The following CACNA1D variants were observed in gnomAD, a reference collection of about 807,000 sequenced individuals.
CACNA1D encodes voltage-dependent L-type calcium channel subunit alpha-1D.
In CACNA1D, 55 loss-of-function variants were observed where a neutral mutation model predicts 257.1. That is an observed-to-expected ratio of 0.21 (90% CI 0.17 to 0.27). The LOEUF is 0.27. Ranked by LOEUF, CACNA1D falls within the 10% of genes least tolerant of loss-of-function variation. CACNA1D has a pLI of 1.00. For synonymous variants in CACNA1D, 980 were observed against 1,014.9 expected, an observed-to-expected ratio of 0.97 and a Z score of 0.65; for missense variants, 1,876 against 2,784.0, an observed-to-expected ratio of 0.67 and a Z score of 7.34.
intron 3 of CACNA1D, among the ~76,000 whole-genome samples, chr3:53,502,094 T>A (rs2090630075): frequency 6.6e-6 from 1 of 150,902 alleles, no homozygotes; most frequent in South Asian, 2.1e-4. Context: ...TTGGGAGTGG[T>A]GGGTACTTTG....
intron 3 of CACNA1D, among the ~76,000 whole-genome samples, chr3:53,571,653 G>A (rs2092946677): frequency 6.6e-6 from 1 of 152,190 alleles, no homozygotes; most frequent in Non-Finnish European, 1.5e-5. Flanking sequence ...TAGGGTGACA[G>A]CCACAGTTCT....
rs75928387 is a variant in CACNA1D at position 53,543,856 on chromosome 3, A to G, written c.483+42136A>G. Among the ~76,000 whole-genome samples the G allele has an allele frequency of 8.0e-3, 1,218 of 152,334 alleles. 92 individuals are homozygous for G. In the South Asian group the frequency reaches 0.16, roughly 20 times the overall value. ...TTTTTCTTGTTGGGGGAGAGGGGCAATGGAATTTTTAACATTTTCATTGCA... is the reference window on the plus strand; with the variant it reads ...TTTTTCTTGTTGGGGGAGAGGGGCAGTGGAATTTTTAACATTTTCATTGCA... On this transcript the variant is annotated intron_variant, in intron 3 of 47. Coordinates refer to ENST00000350061, the MANE Select transcript of CACNA1D (RefSeq NM_001128840.3).
intron 19 of CACNA1D, among the ~76,000 whole-genome samples, chr3:53,734,044 A>G (rs1236788725): frequency 8.4e-6 from 1 of 118,896 alleles, no homozygotes; most frequent in Non-Finnish European, 1.8e-5. Flanking sequence ...ATATATATAT[A>G]TATATGTTGA....
chr3:53,612,350 T>A (rs886901175), intron 3 of CACNA1D, among the ~76,000 whole-genome samples: 7 of 152,232 alleles, frequency 4.6e-5, no homozygotes, highest in Admixed American at 6.5e-5. Flanking sequence ...CGGTTGACAG[T>A]CAAGTTACTT....
intron 32 of CACNA1D, 110 bp downstream of exon 32, chr3:53,770,662 A>T: frequency 1.0e-6 from 1 of 969,256 alleles, no homozygotes; most frequent in South Asian, 1.3e-5. Context: ...CACTCTGTGG[A>T]CCTAAATCAA....
At chr3:53,782,262 GTGTATATATA>G (rs1173983712) in intron 39 of CACNA1D, 1 of 41,992 alleles carries the variant, frequency 2.4e-5, no homozygotes, top group African/African-American at 7.0e-5. Flanking sequence ...GTGTGTGTGT[GTGTATATATA>G]TATATATATA....
chr3:53,555,456 GTGTGTT>G (rs2092623051), intron 3 of CACNA1D, among the ~76,000 whole-genome samples: 1 of 117,042 alleles, frequency 8.5e-6, no homozygotes, highest in African/African-American at 3.5e-5. Context: ...GTGTGTGTGT[GTGTGTT>G]TTTTTTTTTT....
chr3:53,811,404 T>C lies in CACNA1D; in HGVS notation c.6484T>C (p.Ter2162GlnextTer24). The change falls in exon 48 of 48, where the codon TAG becomes CAG. Residue 2162 changes from the stop codon to glutamine, a stop_lost. Transcript: ENST00000350061. This position sits in a 1 kb window ranked among gnomAD's most constrained non-coding sequence, Gnocchi z 4.2. ...TGAAATGATATGCATCACCACCTTG[T>C]AGCCCCCAGCGAGGGGCAGACTGGC... The part of the protein sequence containing the change: ...ADEMICITTL[*>Q] The C allele has an allele frequency of 6.4e-7, 1 of 1,555,018 alleles. No individual in the cohort carries two copies. The highest frequency in any genetic ancestry group is 8.7e-7 in the Non-Finnish European group (1 of 1,148,350).
At chr3:53,608,253 T>G (rs1214332167) in intron 3 of CACNA1D, among the ~76,000 whole-genome samples, 1 of 152,236 alleles carries the variant, frequency 6.6e-6, no homozygotes, top group Non-Finnish European at 1.5e-5. Flanking sequence ...GTTTCTGATG[T>G]TATTGTAAAT....
intron 29 of CACNA1D, among the ~76,000 whole-genome samples, chr3:53,755,706 C>T (rs2095259723): frequency 6.6e-6 from 1 of 152,050 alleles, no homozygotes; most frequent in African/African-American, 2.4e-5. Context: ...CACTGCGTTC[C>T]CCCCGGCCAG....
chr3:53,580,003 C>G (rs1280113078), intron 3 of CACNA1D, among the ~76,000 whole-genome samples: 1 of 152,356 alleles, frequency 6.6e-6, no homozygotes, highest in African/African-American at 2.4e-5. Flanking sequence ...CTGCTTTTCA[C>G]ATTCTTATCA....
In CACNA1D at chr3:53,581,256, A is replaced by G. The variant is rs568031501; in HGVS notation, c.484-69523A>G. Among the ~76,000 whole-genome samples, 6 of 152,224 alleles carry G rather than the reference A, an allele frequency of 3.9e-5. No individual in the cohort carries two copies. The South Asian group carries it at 1.2e-3, about 32-fold the overall frequency. ...TGTGTATGCACCTTCTCCCTAGTCC[A>G]CCCTGAGAGCTGAGGGTGTCATTTT... is the stretch of plus-strand genomic sequence containing the variant. On this transcript the variant is annotated intron_variant, in intron 3 of 47. Coordinates refer to ENST00000350061, the MANE Select transcript of CACNA1D (RefSeq NM_001128840.3).
At chr3:53,690,439 G>A (rs955728026) in intron 8 of CACNA1D, among the ~76,000 whole-genome samples, 7 of 152,208 alleles carry the variant, frequency 4.6e-5, no homozygotes, top group African/African-American at 1.7e-4. Context: ...GAGCTCAGGT[G>A]GTCCTTTTGG....
chr3:53,550,276 C>T (rs760162114), intron 3 of CACNA1D, among the ~76,000 whole-genome samples: 3 of 152,136 alleles, frequency 2.0e-5, no homozygotes, highest in Non-Finnish European at 2.9e-5. Flanking sequence ...GATCAGGCAG[C>T]GCAGAGGAGC....
chr3:53,687,721 C>A (rs937309567), intron 8 of CACNA1D, among the ~76,000 whole-genome samples: 3 of 152,292 alleles, frequency 2.0e-5, no homozygotes, highest in Middle Eastern at 3.4e-3. Context: ...ACAACACTTA[C>A]ATCTGTGTAT....
At chr3:53,499,585 T>A (rs983388928) in intron 2 of CACNA1D, among the ~76,000 whole-genome samples, 6 of 152,024 alleles carry the variant, frequency 3.9e-5, no homozygotes, top group African/African-American at 1.5e-4. Flanking sequence ...CTTATGGCAG[T>A]GAGATGGTAT....
chr3:53,566,452 C>T (rs982570402), intron 3 of CACNA1D, among the ~76,000 whole-genome samples: 2 of 152,138 alleles, frequency 1.3e-5, no homozygotes, highest in African/African-American at 2.4e-5. Flanking sequence ...TCCCTGACCA[C>T]CCTCTCCCAT....
At chr3:53,763,354 C>T (rs1036142896) in intron 30 of CACNA1D, among the ~76,000 whole-genome samples, 1 of 152,232 alleles carries the variant, frequency 6.6e-6, no homozygotes, top group Non-Finnish European at 1.5e-5. Flanking sequence ...GCACCTCTCC[C>T]CCTGCAAAAT....
intron 3 of CACNA1D, among the ~76,000 whole-genome samples, chr3:53,537,284 A>G (rs1395889072): frequency 2.0e-5 from 3 of 152,220 alleles, no homozygotes; most frequent in African/African-American, 7.2e-5. Context: ...AAAAAAATTC[A>G]AATATGTACA....
Sources: allele counts gnomAD v4.1 joint callset (sites outside exome capture counted in the v4.1 genomes callset), GRCh38; gene constraint gnomAD v4.1.1; non-coding constraint Gnocchi (gnomAD v3.1); transcripts MANE v1.5; gene names NCBI Gene and HGNC (gene_info 2026-07-23, HGNC 2026-07-21).